ZNF521: variants seen among roughly 807,000 people sequenced by gnomAD.
ZNF521 encodes the protein LYST-interacting protein 3.
Under a neutral mutation model 105.5 loss-of-function variants are expected in ZNF521, and 14 were observed. That is an observed-to-expected ratio of 0.13 (90% CI 0.09 to 0.21). ZNF521 has a LOEUF of 0.21. Ranked by LOEUF, ZNF521 falls within the 10% of genes least tolerant of loss-of-function variation. The pLI is 1.00. For synonymous variants in ZNF521, 635 were observed against 606.0 expected (o/e 1.05, Z -0.70); for missense variants, 1,233 against 1,629.7 (o/e 0.76, Z 4.19).
At chr18:25,073,725 T>C (rs996480080) in intron 7 of ZNF521, among the ~76,000 whole-genome samples, 6 of 152,174 alleles carry the variant, frequency 3.9e-5, no homozygotes, top group Non-Finnish European at 7.4e-5. Context: ...TTATGAAAAA[T>C]AGTTTATTGA....
intron 4 of ZNF521, among the ~76,000 whole-genome samples, chr18:25,214,266 A>G (rs1191884526): frequency 6.6e-6 from 1 of 152,102 alleles, no homozygotes; most frequent in Non-Finnish European, 1.5e-5. Flanking sequence ...AGTTATTTTG[A>G]TATGTGTAAT....
chr18:25,290,650 A>C, intron 3 of ZNF521, among the ~76,000 whole-genome samples: 2 of 126,654 alleles, frequency 1.6e-5, no homozygotes, highest in African/African-American at 3.1e-5. Context: ...TCACTTTGTC[A>C]CCCAGACTGG....
intron 5 of ZNF521, among the ~76,000 whole-genome samples, chr18:25,185,368 T>C (rs570895372): frequency 2.0e-5 from 3 of 152,146 alleles, no homozygotes; most frequent in Non-Finnish European, 2.9e-5. Flanking sequence ...GTTTTGGAAT[T>C]GAATGGTGAT....
chr18:25,087,229 T>C (rs1188836556), intron 7 of ZNF521, among the ~76,000 whole-genome samples: 2 of 152,224 alleles, frequency 1.3e-5, no homozygotes, highest in African/African-American at 4.8e-5. Context: ...GAGTCTGTGA[T>C]TGGTCTATAC....
intron 3 of ZNF521, among the ~76,000 whole-genome samples, chr18:25,282,764 C>A (rs1274173569): frequency 6.6e-6 from 1 of 151,562 alleles, no homozygotes; most frequent in Admixed American, 6.6e-5. Context: ...TTTTTTTTCC[C>A]CCCTTTAGGC....
intron 5 of ZNF521, among the ~76,000 whole-genome samples, chr18:25,101,346 T>C (rs2033962820): frequency 6.6e-6 from 1 of 152,080 alleles, no homozygotes; most frequent in African/African-American, 2.4e-5. Context: ...TATCCTAGAA[T>C]CAATCCCCTG....
intron 3 of ZNF521, among the ~76,000 whole-genome samples, chr18:25,318,220 A>T (rs1414453813): frequency 6.6e-6 from 1 of 152,178 alleles, no homozygotes; most frequent in African/African-American, 2.4e-5. Flanking sequence ...ACACAAAAAA[A>T]GGGTGCACGC....
intron 2 of ZNF521, among the ~76,000 whole-genome samples, chr18:25,330,457 C>A (rs1913505787): frequency 6.6e-6 from 1 of 152,182 alleles, no homozygotes; most frequent in South Asian, 2.1e-4. Context: ...AGCCACCATG[C>A]CCAGCCACCA....
chr18:25,327,920 C>A (rs1172565969), intron 2 of ZNF521, among the ~76,000 whole-genome samples: 1 of 152,114 alleles, frequency 6.6e-6, no homozygotes, highest in African/African-American at 2.4e-5. Flanking sequence ...AAGGGCTGAG[C>A]ATCCCCGGAA....
At chr18:25,304,765 C>T (rs960641674) in intron 3 of ZNF521, among the ~76,000 whole-genome samples, 1 of 152,182 alleles carries the variant, frequency 6.6e-6, no homozygotes, top group Non-Finnish European at 1.5e-5. Context: ...CCACTCCCTT[C>T]TTTGAAGAGT....
At chr18:25,281,536 A>G (rs1012831025) in intron 3 of ZNF521, among the ~76,000 whole-genome samples, 2 of 152,254 alleles carry the variant, frequency 1.3e-5, no homozygotes, top group Non-Finnish European at 2.9e-5. Context: ...AATCAATCAC[A>G]GCTAACAGTC....
intron 4 of ZNF521, among the ~76,000 whole-genome samples, chr18:25,221,893 T>C (rs1312417563): frequency 1.3e-5 from 2 of 152,166 alleles, no homozygotes; most frequent in Admixed American, 6.5e-5. Flanking sequence ...TGTGTATATT[T>C]AGATAATTTT....
At chr18:25,126,969 C>A (rs902908412) in intron 5 of ZNF521, among the ~76,000 whole-genome samples, 4 of 151,946 alleles carry the variant, frequency 2.6e-5, no homozygotes, top group African/African-American at 7.2e-5. Context: ...AAGGTCTGTG[C>A]CAGATCTAAA....
At chr18:25,315,452 T>G (rs1451376153) in intron 3 of ZNF521, 1 of 152,222 alleles carries the variant, frequency 6.6e-6, no homozygotes. Context: ...GTTCTGTTCT[T>G]TCTTAGAACA....
At chr18:25,152,754 C>A (rs2035073006) in intron 5 of ZNF521, among the ~76,000 whole-genome samples, 1 of 152,144 alleles carries the variant, frequency 6.6e-6, no homozygotes, top group African/African-American at 2.4e-5. Flanking sequence ...CTGAGATCTG[C>A]TACAGGTTTA....
At chr18:25,131,958 T>C (rs1415881330) in intron 5 of ZNF521, among the ~76,000 whole-genome samples, 1 of 152,154 alleles carries the variant, frequency 6.6e-6, no homozygotes. Context: ...CTTTTACTCC[T>C]GTATGCAGCC....
chr18:25,193,504 A>T (rs1451935821), intron 5 of ZNF521, among the ~76,000 whole-genome samples: 1 of 152,084 alleles, frequency 6.6e-6, no homozygotes, highest in Admixed American at 6.6e-5. Flanking sequence ...AAAGTGCAGC[A>T]TGAGGTAGAA....
intron 3 of ZNF521, among the ~76,000 whole-genome samples, chr18:25,303,533 T>A (rs1911780363): frequency 6.6e-6 from 1 of 152,212 alleles, no homozygotes; most frequent in East Asian, 1.9e-4. Context: ...CCTGATCTCA[T>A]GATCTGCCCG....
At chr18:25,181,329 GC>G (rs2035628145) in intron 5 of ZNF521, among the ~76,000 whole-genome samples, 1 of 152,178 alleles carries the variant, frequency 6.6e-6, no homozygotes, top group African/African-American at 2.4e-5. Context: ...ATGCCAGACA[GC>G]CTGATAGAAC....
Sources: allele counts gnomAD v4.1 joint callset (sites outside exome capture counted in the v4.1 genomes callset), GRCh38; gene constraint gnomAD v4.1.1; transcripts MANE v1.5; gene names NCBI Gene and HGNC (gene_info 2026-07-23, HGNC 2026-07-21).